Variants in IGF2BP2 observed in about 807,000 individuals in gnomAD.
The protein encoded by IGF2BP2 is insulin like growth factor 2 mRNA binding protein 2.
Under a neutral mutation model 75.8 loss-of-function variants are expected in IGF2BP2, and 17 were observed. The ratio of observed to expected loss-of-function variants is 0.22; its 90% CI spans 0.15 to 0.34. The LOEUF (loss-of-function observed/expected upper bound fraction) is 0.34, where lower values mean the gene tolerates loss of function less well. Among genes scored for constraint, IGF2BP2 ranks in the 10% least tolerant of loss-of-function variants. IGF2BP2 has a pLI of 1.00. For synonymous variants in IGF2BP2, 288 were observed against 295.6 expected (o/e 0.97, Z 0.26); for missense variants, 516 against 772.4 (o/e 0.67, Z 3.93).
At chr3:185,677,026 G>GGAGATATATATATAT (rs1560275693) in intron 7 of IGF2BP2, among the ~76,000 whole-genome samples, 1 of 81,310 alleles carries the variant, frequency 1.2e-5, no homozygotes, top group African/African-American at 4.9e-5. Context: ...TATGGAGAGA[G>GGAGATATATATATAT]ATATATATAT....
chr3:185,713,703 TTTTTCA>T (rs1725168662), intron 2 of IGF2BP2, among the ~76,000 whole-genome samples: 1 of 152,234 alleles, frequency 6.6e-6, no homozygotes. Flanking sequence ...CTACATACTC[TTTTTCA>T]TTTTCTTTTG....
At chr3:185,772,305 C>T (rs986094540) in intron 2 of IGF2BP2, among the ~76,000 whole-genome samples, 6 of 152,148 alleles carry the variant, frequency 3.9e-5, no homozygotes, top group Non-Finnish European at 8.8e-5. Flanking sequence ...AAGTTTTATT[C>T]AGTGGGCTGT....
rs1020392840 is a variant in IGF2BP2, at chr3:185,786,645, C to T, written c.239+36508G>A. Among the ~76,000 whole-genome samples the T allele has an allele frequency of 9.2e-5, 14 of 152,234 alleles. 1 individual carries two copies. The highest frequency in any genetic ancestry group is 3.9e-4 in the East Asian group (2 of 5,176). The stretch of plus-strand genomic sequence containing the variant: ...TAGGTCCCTTCGCTGACTCTCTTTT[C>T]GGACTCAGCCCACCTGCACCCAGGT... On this transcript the variant is annotated intron_variant, in intron 2 of 15. Transcript: ENST00000382199.
At chr3:185,666,705 G>T (rs922775007) in intron 10 of IGF2BP2, among the ~76,000 whole-genome samples, 2 of 151,784 alleles carry the variant, frequency 1.3e-5, no homozygotes, top group Admixed American at 6.6e-5. Context: ...TATTTAAAAG[G>T]CAATAATAGT....
At chr3:185,702,648 C>T (rs1033744361) in intron 2 of IGF2BP2, among the ~76,000 whole-genome samples, 3 of 152,088 alleles carry the variant, frequency 2.0e-5, no homozygotes, top group African/African-American at 7.2e-5. Flanking sequence ...CTGCACCTCC[C>T]CCTCTCCCAT....
At chr3:185,752,489 A>G (rs1731090783) in intron 2 of IGF2BP2, among the ~76,000 whole-genome samples, 1 of 152,130 alleles carries the variant, frequency 6.6e-6, no homozygotes, top group Non-Finnish European at 1.5e-5. Context: ...TTTCCCCCTA[A>G]TTTTGTTTTA....
At chr3:185,695,543 A>G (rs969020841) in intron 4 of IGF2BP2, among the ~76,000 whole-genome samples, 12 of 152,204 alleles carry the variant, frequency 7.9e-5, no homozygotes, top group African/African-American at 2.7e-4. Flanking sequence ...TCAAGGCAAA[A>G]ATAATCTTTA....
chr3:185,695,259 A>G (rs1392284106), intron 4 of IGF2BP2, among the ~76,000 whole-genome samples: 2 of 152,222 alleles, frequency 1.3e-5, no homozygotes, highest in East Asian at 3.8e-4. Context: ...AAAACTATTA[A>G]TTAAACTAGC....
intron 2 of IGF2BP2, among the ~76,000 whole-genome samples, chr3:185,792,873 T>G (rs1237615288): frequency 2.0e-5 from 3 of 151,552 alleles, no homozygotes; most frequent in Non-Finnish European, 1.5e-5. Flanking sequence ...CTAGTAGCAC[T>G]GGACTCCCAT....
intron 2 of IGF2BP2, among the ~76,000 whole-genome samples, chr3:185,790,515 C>T (rs948454035): frequency 4.6e-5 from 7 of 152,144 alleles, no homozygotes; most frequent in African/African-American, 1.7e-4. Flanking sequence ...AAGAGAATAA[C>T]AAGAAAAATT....
chr3:185,771,593 G>A (rs968647045), intron 2 of IGF2BP2, among the ~76,000 whole-genome samples: 2 of 152,094 alleles, frequency 1.3e-5, no homozygotes, highest in Admixed American at 6.5e-5. Flanking sequence ...GCTTAAGGAG[G>A]TAAACTTTCC....
chr3:185,747,081 A>G (rs755858132), intron 2 of IGF2BP2, among the ~76,000 whole-genome samples: 6 of 152,238 alleles, frequency 3.9e-5, no homozygotes, highest in Non-Finnish European at 8.8e-5. Flanking sequence ...CCAAGTCACT[A>G]GGAGCTGAGG....
intron 2 of IGF2BP2, chr3:185,724,519 CTTATTAACTGAA>C (rs1184158743): frequency 6.6e-6 from 1 of 152,236 alleles, no homozygotes; most frequent in East Asian, 1.9e-4. Context: ...CACCCAGCTA[CTTATTAACTGAA>C]TGACCCTTAG....
intron 2 of IGF2BP2, among the ~76,000 whole-genome samples, chr3:185,705,003 G>GA (rs1283707081): frequency 1.3e-5 from 2 of 152,150 alleles, no homozygotes; most frequent in East Asian, 3.8e-4. Flanking sequence ...TTTTTTAAGA[G>GA]AAAAAACAAA....
chr3:185,672,427 A>G, intron 10 of IGF2BP2, 114 bp downstream of exon 10: 4 of 1,070,218 alleles, frequency 3.7e-6, no homozygotes, highest in Non-Finnish European at 5.3e-6. Flanking sequence ...ATTCATCTCT[A>G]CTCGAGCATG....
intron 2 of IGF2BP2, among the ~76,000 whole-genome samples, chr3:185,820,265 CACACACACAT>C (rs1309186974): frequency 6.5e-5 from 9 of 137,660 alleles, no homozygotes; most frequent in Middle Eastern, 3.5e-3. Flanking sequence ...CACACACACA[CACACACACAT>C]AATTTTTAAG....
At chr3:185,677,649 A>T (rs1157849392) in intron 7 of IGF2BP2, among the ~76,000 whole-genome samples, 1 of 152,242 alleles carries the variant, frequency 6.6e-6, no homozygotes, top group Non-Finnish European at 1.5e-5. Context: ...CTCCCTGACC[A>T]GTAATTAAAA....
At chr3:185,693,128 T>C (rs975126648) in intron 4 of IGF2BP2, 3 of 172,922 alleles carry the variant, frequency 1.7e-5, no homozygotes, top group East Asian at 1.6e-4. Flanking sequence ...TGTTGGTAAG[T>C]AGGCTGTTCC....
chr3:185,716,307 T>C (rs1485173539), intron 2 of IGF2BP2: 6 of 386,638 alleles, frequency 1.6e-5, no homozygotes, highest in Non-Finnish European at 1.0e-5. Flanking sequence ...TTTAATGATA[T>C]TTTCTGCAGC....
Sources: allele counts gnomAD v4.1 joint callset (sites outside exome capture counted in the v4.1 genomes callset), GRCh38; gene constraint gnomAD v4.1.1; transcripts MANE v1.5; gene names NCBI Gene and HGNC (gene_info 2026-07-23, HGNC 2026-07-21).